The following PARN variants were observed in gnomAD, a reference collection of about 807,000 sequenced individuals.
PARN encodes poly(A)-specific ribonuclease PARN.
A neutral mutation model predicts 102.8 loss-of-function variants in PARN; 71 were observed. That is an observed-to-expected ratio of 0.69 (90% confidence interval 0.57 to 0.84). PARN has a LOEUF of 0.84. PARN is among the 40% of genes least tolerant of loss of function. The pLI, the probability that PARN is intolerant of heterozygous loss-of-function variation, is 0.00. For synonymous variants in PARN, 261 were observed against 252.9 expected (o/e 1.03, Z -0.30); for missense variants, 782 against 760.9 (o/e 1.03, Z -0.33).
At chr16:14,574,983 GC>G (rs1198772867) in intron 18 of PARN, among the ~76,000 whole-genome samples, 1 of 152,206 alleles carries the variant, frequency 6.6e-6, no homozygotes, top group Non-Finnish European at 1.5e-5. Flanking sequence ...GAGGGTGGAA[GC>G]CCTAGGCCTT....
At chr16:14,519,619 C>A (rs1002397661) in intron 21 of PARN, among the ~76,000 whole-genome samples, 4 of 152,054 alleles carry the variant, frequency 2.6e-5, no homozygotes, top group Non-Finnish European at 4.4e-5. Context: ...ATTTGCAACA[C>A]TGGGAGAACT....
chr16:14,559,464 C>A (rs750976338), intron 18 of PARN, among the ~76,000 whole-genome samples: 5 of 150,770 alleles, frequency 3.3e-5, no homozygotes, highest in East Asian at 1.9e-4. Flanking sequence ...TTGTAGGGTA[C>A]GTGAGATGTT....
chr16:14,555,679 G>A lies in PARN; in HGVS notation c.1293C>T (p.Pro431=). 6 of 1,485,326 alleles carry A rather than the reference G, an allele frequency of 4.0e-6. No individual in the cohort carries two copies. The highest frequency in any genetic ancestry group is 5.5e-6 in the Non-Finnish European group (6 of 1,091,712). The allele number at this position is 1,485,326 out of a possible 1,614,324, so 92.0% of individuals were successfully genotyped here. A position where few individuals can be genotyped will look rare whatever the true frequency, so the allele number is the denominator to read the frequency against. ...AGTCTGGTCCTTCCAAGTTTAGATA[G>A]GGGATATCCATGACCCTCATAAGAA... ...KLFLMRVMDI[P]YLNLEGPDLQ... The change falls in exon 19 of 24, where the codon CCC becomes CCT. Residue 431 remains proline, a synonymous_variant. Transcript: ENST00000437198.
At chr16:14,609,383 T>C (rs1437281978) in intron 7 of PARN, among the ~76,000 whole-genome samples, 1 of 152,096 alleles carries the variant, frequency 6.6e-6, no homozygotes, top group African/African-American at 2.4e-5. Context: ...CTGGGCAATA[T>C]ACTGAGAGCC....
intron 21 of PARN, among the ~76,000 whole-genome samples, chr16:14,488,398 A>G (rs970166070): frequency 6.6e-6 from 1 of 152,246 alleles, no homozygotes; most frequent in Non-Finnish European, 1.5e-5. Flanking sequence ...GGCTACATTA[A>G]TATTAAAGCC....
chr16:14,617,873 T>C (rs1318502396), intron 5 of PARN, among the ~76,000 whole-genome samples: 2 of 152,198 alleles, frequency 1.3e-5, no homozygotes, highest in African/African-American at 4.8e-5. Context: ...CATCCTTTGT[T>C]TCACAATTTT....
intron 21 of PARN, among the ~76,000 whole-genome samples, chr16:14,519,417 A>C (rs548441913): frequency 1.4e-4 from 22 of 151,840 alleles, no homozygotes; most frequent in African/African-American, 5.3e-4. Flanking sequence ...ACAATAACCA[A>C]CCCAGTACAA....
intron 22 of PARN, among the ~76,000 whole-genome samples, chr16:14,452,396 G>A (rs1295230597): frequency 2.6e-5 from 4 of 152,168 alleles, no homozygotes; most frequent in African/African-American, 4.8e-5. Context: ...ATTTAGAGAC[G>A]GAGTCTTGCT....
intron 23 of PARN, among the ~76,000 whole-genome samples, chr16:14,439,823 G>A (rs1398980983): frequency 1.3e-5 from 2 of 152,136 alleles, no homozygotes; most frequent in Admixed American, 6.5e-5. Context: ...AGACCACCCT[G>A]GCCAACATGG....
rs753835512 is a variant in PARN at position 14,610,752 on chromosome 16, TTTTCA to T, written c.441_445del (p.Asp147GlufsTer17). 1 of 1,610,858 alleles carries T rather than the reference TTTTCA, an allele frequency of 6.2e-7. No individual in the cohort carries two copies. The highest frequency in any genetic ancestry group is 8.5e-7 in the Non-Finnish European group (1 of 1,177,090). ...TCCTGCACCATTCGCCTGTGAACGT[TTTTCA>T]TCATACTGCTCTCTTAACTGTCTTT... is the stretch of plus-strand genomic sequence containing the variant. On this transcript the variant is annotated frameshift_variant, in exon 7 of 24. Coordinates refer to ENST00000437198, the MANE Select transcript of PARN (RefSeq NM_002582.4). LOFTEE classifies it high-confidence loss of function.
intron 14 of PARN, among the ~76,000 whole-genome samples, chr16:14,585,812 C>T (rs1969819000): frequency 6.6e-6 from 1 of 152,170 alleles, no homozygotes; most frequent in African/African-American, 2.4e-5. Flanking sequence ...TCTACTTTCA[C>T]TCTCAGTTCA....
intron 22 of PARN, among the ~76,000 whole-genome samples, chr16:14,480,033 T>A (rs953068011): frequency 6.6e-6 from 1 of 151,870 alleles, no homozygotes; most frequent in Non-Finnish European, 1.5e-5. Flanking sequence ...CAAGACTTTA[T>A]GAAAATTAAA....
Position 14,482,756 on chromosome 16 carries a change from C to G in PARN, c.1552G>C (p.Glu518Gln), listed in dbSNP as rs1355906019. 3.7e-6 allele frequency: 6 copies of G among 1,613,802 alleles called. No homozygotes were observed. Among genetic ancestry groups the G allele is most frequent in the Non-Finnish European group, 5.1e-6 (6 of 1,179,830 alleles). ...TYAEYMGRKQ[E>Q]EKQIKRKWTE... ...CACTTTCTTTTGATCTGCTTCTCTT[C>G]CTGTTTTCTCCCCATATATTCAGCA... Residue 518 changes from glutamate (E) to glutamine (Q), a missense_variant, in exon 22 of 24, where the codon GAA becomes CAA. Coordinates refer to ENST00000437198, the MANE Select transcript of PARN (RefSeq NM_002582.4).
intron 5 of PARN, among the ~76,000 whole-genome samples, chr16:14,623,476 T>G (rs1175711235): frequency 6.7e-6 from 1 of 149,914 alleles, no homozygotes; most frequent in Non-Finnish European, 1.5e-5. Context: ...ATCGCACCAC[T>G]GCACTCCAGC....
At chr16:14,552,588 A>G (rs902735591) in intron 20 of PARN, among the ~76,000 whole-genome samples, 1 of 152,020 alleles carries the variant, frequency 6.6e-6, no homozygotes, top group Non-Finnish European at 1.5e-5. Context: ...CAATCCTCCC[A>G]CCTCAGTGTC....
chr16:14,543,769 A>T (rs923455639), intron 21 of PARN, among the ~76,000 whole-genome samples: 3 of 152,258 alleles, frequency 2.0e-5, no homozygotes, highest in East Asian at 3.8e-4. Flanking sequence ...AAAAGGGGGT[A>T]TACAAAAGAA....
At chr16:14,478,082 G>C (rs1963171341) in intron 22 of PARN, among the ~76,000 whole-genome samples, 2 of 152,280 alleles carry the variant, frequency 1.3e-5, no homozygotes, top group East Asian at 3.9e-4. Flanking sequence ...AGCACTTTGG[G>C]AGGTGGGAGG....
At chr16:14,568,837 G>C (rs1443858246) in intron 18 of PARN, among the ~76,000 whole-genome samples, 3 of 152,086 alleles carry the variant, frequency 2.0e-5, no homozygotes, top group African/African-American at 7.2e-5. Context: ...AGAGGTTGCA[G>C]TGAGCCGAGA....
intron 21 of PARN, among the ~76,000 whole-genome samples, chr16:14,505,397 C>A (rs1964841174): frequency 1.3e-5 from 2 of 152,130 alleles, no homozygotes; most frequent in Non-Finnish European, 2.9e-5. Flanking sequence ...GGACCTCGAG[C>A]CCAGGAGTTA....
Sources: allele counts gnomAD v4.1 joint callset (sites outside exome capture counted in the v4.1 genomes callset), GRCh38; gene constraint gnomAD v4.1.1; transcripts MANE v1.5; gene names NCBI Gene and HGNC (gene_info 2026-07-23, HGNC 2026-07-21).